NEDD4L: variants seen among roughly 807,000 people sequenced by gnomAD.
The protein encoded by NEDD4L is NEDD4 like E3 ubiquitin protein ligase.
Under a neutral mutation model 148.9 loss-of-function variants are expected in NEDD4L, and 54 were observed. The observed-to-expected ratio is 0.36, with a 90% CI of 0.29 to 0.45. The LOEUF is 0.45. NEDD4L is among the 20% of genes least tolerant of loss of function. The probability of loss-of-function intolerance (pLI) is 1.00; values close to 1 mark genes in which losing one functional copy is unlikely to be tolerated. For synonymous variants in NEDD4L, 433 were observed against 440.7 expected, an observed-to-expected ratio of 0.98 and a Z score of 0.22; for missense variants, 856 against 1,233.8, an observed-to-expected ratio of 0.69 and a Z score of 4.59.
chr18:58,114,339 T>G (rs1448497701), intron 1 of NEDD4L, among the ~76,000 whole-genome samples: 1 of 149,734 alleles, frequency 6.7e-6, no homozygotes, highest in Non-Finnish European at 1.5e-5. Flanking sequence ...ATTGGGAGAT[T>G]TAAAAAAAAT....
At chr18:58,300,182 T>C (rs932364305) in intron 5 of NEDD4L, among the ~76,000 whole-genome samples, 1 of 152,238 alleles carries the variant, frequency 6.6e-6, no homozygotes, top group Non-Finnish European at 1.5e-5. Flanking sequence ...ATCTATCTTC[T>C]AAGGTTGTTG....
At chr18:58,140,312 A>G (rs2033354379) in intron 1 of NEDD4L, among the ~76,000 whole-genome samples, 1 of 152,194 alleles carries the variant, frequency 6.6e-6, no homozygotes, top group African/African-American at 2.4e-5. Context: ...CATACTTCCT[A>G]AGCTTTATAG....
At chr18:58,217,664 T>A (rs1228904205) in intron 2 of NEDD4L, among the ~76,000 whole-genome samples, 1 of 151,962 alleles carries the variant, frequency 6.6e-6, no homozygotes, top group Non-Finnish European at 1.5e-5. Context: ...TTTAAATAAC[T>A]TTTTTTTCCG....
At chr18:58,206,719 A>C (rs892216792) in intron 2 of NEDD4L, among the ~76,000 whole-genome samples, 12 of 152,224 alleles carry the variant, frequency 7.9e-5, no homozygotes, top group African/African-American at 2.9e-4. Flanking sequence ...AATCCGCAGA[A>C]GTGAGAAGTA....
At chr18:58,172,097 G>A (rs567928805) in intron 2 of NEDD4L, among the ~76,000 whole-genome samples, 1 of 152,248 alleles carries the variant, frequency 6.6e-6, no homozygotes, top group East Asian at 1.9e-4. Context: ...CCTCACCTTA[G>A]GGGTCAGGAG....
At chr18:58,308,057 C>G (rs1208748124) in intron 5 of NEDD4L, among the ~76,000 whole-genome samples, 3 of 152,054 alleles carry the variant, frequency 2.0e-5, no homozygotes, top group Non-Finnish European at 4.4e-5. Context: ...ACAAATTGCA[C>G]CATAAAACCA....
At chr18:58,214,495 G>A (rs978411624) in intron 2 of NEDD4L, among the ~76,000 whole-genome samples, 3 of 152,108 alleles carry the variant, frequency 2.0e-5, no homozygotes, top group Admixed American at 6.6e-5. Flanking sequence ...TAATAACAGC[G>A]CCTATCTGTT....
At chr18:58,314,433 A>AAAAT (rs2058049018) in intron 5 of NEDD4L, 1 of 151,822 alleles carries the variant, frequency 6.6e-6, no homozygotes, top group Non-Finnish European at 1.5e-5. Flanking sequence ...AAAAAAAAAA[A>AAAAT]TAGTGAAATC....
At chr18:58,127,534 C>A (rs964713151) in intron 1 of NEDD4L, among the ~76,000 whole-genome samples, 153 of 151,448 alleles carry the variant, frequency 1.0e-3, no homozygotes, top group African/African-American at 3.4e-3. Flanking sequence ...CGAAACCTCA[C>A]CTTTATTTAA....
At chr18:58,108,087 T>C (rs1231859931) in intron 1 of NEDD4L, among the ~76,000 whole-genome samples, 1 of 152,178 alleles carries the variant, frequency 6.6e-6, no homozygotes, top group East Asian at 1.9e-4. Context: ...CGCAGACCCA[T>C]TGTGGGATGC....
At chr18:58,165,662 C>G in intron 1 of NEDD4L, 126 bp from the exon 2 acceptor site, 1 of 1,531,608 alleles carries the variant, frequency 6.5e-7, no homozygotes, top group Non-Finnish European at 8.8e-7. Flanking sequence ...ATTGCTTATG[C>G]TCGAATTGAT....
chr18:58,394,641 C>A (rs2050250474), intron 30 of NEDD4L, among the ~76,000 whole-genome samples: 1 of 152,192 alleles, frequency 6.6e-6, no homozygotes, highest in Admixed American at 6.5e-5. Context: ...CCTGAGAACC[C>A]CAGTTTGAGA....
rs868820698 is a variant in NEDD4L at position 58,383,318 on chromosome 18, G to A, written c.2425G>A (p.Asp809Asn). ...VTNENKREYI[D>N]LVIQWRFVNR... is the part of the protein sequence containing the mutation. The stretch of plus-strand genomic sequence containing the variant: ...AAATGAAAACAAAAGGGAATATATC[G>A]AGTATGTATACACATATTTACTGCC... Residue 809 changes from aspartate to asparagine, a missense_variant and splice_region_variant, in exon 25 of 31, where the codon GAC (aspartate) becomes AAC (asparagine). Coordinates refer to ENST00000400345, the MANE Select transcript of NEDD4L (RefSeq NM_001144967.3). 5.3e-6 allele frequency: 8 copies of A among 1,501,734 alleles called. No homozygotes were observed. The highest frequency in any genetic ancestry group is 7.3e-6 in the Non-Finnish European group (8 of 1,101,726). 93.0% of individuals were successfully genotyped at this position (1,501,734 alleles called of 1,614,324 possible). A position where few individuals can be genotyped will look rare whatever the true frequency, so the allele number is the denominator to read the frequency against.
intron 1 of NEDD4L, among the ~76,000 whole-genome samples, chr18:58,162,554 C>G (rs886260338): frequency 2.0e-5 from 3 of 151,002 alleles, no homozygotes; most frequent in African/African-American, 7.3e-5. Context: ...GTCATATTGT[C>G]TTTGGAGCAC....
rs73440896 is a variant in NEDD4L, at chr18:58,113,408, G to A, written c.49-52380G>A. On this transcript the variant is annotated intron_variant, in intron 1 of 30. Coordinates refer to ENST00000400345, the MANE Select transcript of NEDD4L (RefSeq NM_001144967.3). ...TAGAAGGAAAGGGATTTCCAAGAGAGAATTAGAGGGGCTTCTCAAATTGAG... is the reference window on the plus strand; with the variant it reads ...TAGAAGGAAAGGGATTTCCAAGAGAAAATTAGAGGGGCTTCTCAAATTGAG... Among the ~76,000 whole-genome samples, 1,188 of 152,348 alleles carry A rather than the reference G, an allele frequency of 7.8e-3. 14 individuals are homozygous for A. The highest frequency in any genetic ancestry group is 0.026 in the African/African-American group (1,073 of 41,560).
rs998539073 is a variant in NEDD4L, at chr18:58,336,437, C to T, written c.1125+900C>T. Among the ~76,000 whole-genome samples the T allele has an allele frequency of 6.6e-5, 10 of 152,096 alleles. No homozygotes were observed. In the South Asian group the frequency reaches 8.3e-4, roughly 13 times the overall value. ...CTAAAAGTACAAAAAATTAGCCGGGCGTGGTGGTGAGCACCTGTAGTCCCA... is the reference window on the plus strand; with the variant it reads ...CTAAAAGTACAAAAAATTAGCCGGGTGTGGTGGTGAGCACCTGTAGTCCCA... On this transcript the variant is annotated intron_variant, in intron 13 of 30. Coordinates refer to ENST00000400345, the MANE Select transcript of NEDD4L (RefSeq NM_001144967.3).
chr18:58,386,424 T>C (rs1165781018), intron 26 of NEDD4L, among the ~76,000 whole-genome samples: 1 of 152,196 alleles, frequency 6.6e-6, no homozygotes, highest in African/African-American at 2.4e-5. Context: ...TCTATACAGA[T>C]ACATGGAAAA....
At chr18:58,107,042 T>C (rs1169104986) in intron 1 of NEDD4L, among the ~76,000 whole-genome samples, 4 of 152,220 alleles carry the variant, frequency 2.6e-5, no homozygotes, top group Non-Finnish European at 5.9e-5. Flanking sequence ...GCATGGGTTC[T>C]TCTGAGACAT....
intron 1 of NEDD4L, among the ~76,000 whole-genome samples, chr18:58,065,796 T>G (rs1421037613): frequency 2.6e-5 from 4 of 152,188 alleles, no homozygotes; most frequent in Non-Finnish European, 4.4e-5. Flanking sequence ...GCTTTGAACC[T>G]TTTCTAGAAG....
Sources: allele counts gnomAD v4.1 joint callset (sites outside exome capture counted in the v4.1 genomes callset), GRCh38; gene constraint gnomAD v4.1.1; transcripts MANE v1.5; gene names NCBI Gene and HGNC (gene_info 2026-07-23, HGNC 2026-07-21).